Variants in PIK3C2G observed in about 807,000 individuals in gnomAD.
PIK3C2G encodes phosphatidylinositol 3-kinase C2 domain-containing subunit gamma.
A neutral mutation model predicts 181.1 loss-of-function variants in PIK3C2G; 168 were observed. That is an observed-to-expected ratio of 0.93 (90% CI 0.82 to 1.05). The LOEUF (loss-of-function observed/expected upper bound fraction) is 1.05. Among genes scored for constraint, PIK3C2G ranks in the 50% least tolerant of loss-of-function variants. PIK3C2G has a pLI of 0.00. For synonymous variants in PIK3C2G, 573 were observed against 592.2 expected, an observed-to-expected ratio of 0.97 and a Z score of 0.47; for missense variants, 1,869 against 1,732.8, an observed-to-expected ratio of 1.08 and a Z score of -1.40.
intron 5 of PIK3C2G, among the ~76,000 whole-genome samples, chr12:18,304,949 G>A (rs1198323872): frequency 6.6e-6 from 1 of 152,174 alleles, no homozygotes; most frequent in Non-Finnish European, 1.5e-5. Flanking sequence ...AACCATGTGG[G>A]AGGATAGAAA....
intron 13 of PIK3C2G, among the ~76,000 whole-genome samples, chr12:18,380,074 C>T (rs572529853): frequency 1.2e-4 from 19 of 152,248 alleles, no homozygotes; most frequent in Non-Finnish European, 5.9e-5. Flanking sequence ...GGATCTGAAA[C>T]GGGGAGTGAG....
the PIK3C2G span, chr12:18,694,142 A>C: frequency 1.2e-6 from 1 of 806,240 alleles, no homozygotes; most frequent in Non-Finnish European, 2.0e-6. Context: ...GTGATTTCTC[A>C]GTCCCTGAAA....
intron 24 of PIK3C2G, among the ~76,000 whole-genome samples, chr12:18,509,159 C>G (rs1942045948): frequency 2.0e-5 from 3 of 152,088 alleles, no homozygotes; most frequent in Non-Finnish European, 4.4e-5. Context: ...TCAAGCAATT[C>G]CCCTGCCTCA....
rs539519384 is a variant in PIK3C2G, at chr12:18,520,815, C to T, written c.3323+15354C>T. On this transcript the variant is annotated intron_variant, in intron 24 of 32. Coordinates refer to ENST00000538779, the MANE Select transcript of PIK3C2G (RefSeq NM_001288772.2). ...GAGGCACTCTGGCCTTTTGGATTTT[C>T]AGCGTTTGTTTGCTGATTCTTTCTC... Among the ~76,000 whole-genome samples the T allele has an allele frequency of 2.6e-5, 4 of 152,096 alleles. No homozygotes were observed. In the East Asian group the frequency reaches 7.8e-4, roughly 30 times the overall value.
intron 18 of PIK3C2G, among the ~76,000 whole-genome samples, chr12:18,439,509 C>A (rs985119307): frequency 2.0e-5 from 3 of 151,962 alleles, no homozygotes; most frequent in African/African-American, 2.4e-5. Flanking sequence ...AGAAACTCCA[C>A]CTCTGACTTC....
intron 27 of PIK3C2G, 33 bp downstream of exon 27, chr12:18,562,925 A>C: frequency 7.0e-7 from 1 of 1,421,182 alleles, no homozygotes; most frequent in Non-Finnish European, 9.8e-7. Context: ...TGACTTACGT[A>C]TCACTTGACT....
intron 31 of PIK3C2G, among the ~76,000 whole-genome samples, chr12:18,617,200 T>C (rs997521328): frequency 6.6e-6 from 1 of 152,092 alleles, no homozygotes; most frequent in Admixed American, 6.6e-5. Flanking sequence ...TTTGTCCTTA[T>C]AAAAAATTTG....
the PIK3C2G span, among the ~76,000 whole-genome samples, chr12:18,671,569 A>G: frequency 6.6e-6 from 1 of 152,150 alleles, no homozygotes; most frequent in Non-Finnish European, 1.5e-5. Flanking sequence ...ACAAAACTAC[A>G]AATTTGATTT....
intron 7 of PIK3C2G, 28 bp downstream of exon 7, chr12:18,321,060 C>A: frequency 8.5e-7 from 1 of 1,182,116 alleles, no homozygotes; most frequent in Non-Finnish European, 1.2e-6. Context: ...TGTTCCAAGA[C>A]TACTTTCTGA....
At chr12:18,416,404 A>G (rs942629779) in intron 16 of PIK3C2G, among the ~76,000 whole-genome samples, 9 of 152,208 alleles carry the variant, frequency 5.9e-5, no homozygotes, top group Non-Finnish European at 1.0e-4. Flanking sequence ...ACTAAGCAAC[A>G]GATTTTCAAT....
intron 14 of PIK3C2G, among the ~76,000 whole-genome samples, chr12:18,386,321 T>C (rs1256446884): frequency 6.6e-6 from 1 of 152,184 alleles, no homozygotes; most frequent in Non-Finnish European, 1.5e-5. Flanking sequence ...TATCCTCCCA[T>C]TTAAAGTGTG....
chr12:18,650,327 C>A (rs71461098), downstream of PIK3C2G, among the ~76,000 whole-genome samples: 24,927 of 76,806 alleles, frequency 0.32, 3,291 homozygotes, highest in East Asian at 0.4. Flanking sequence ...CTCTCTCTCT[C>A]TCTCTATATA....
chr12:18,362,946 C>G, intron 12 of PIK3C2G, 60 bp downstream of exon 12: 1 of 1,320,754 alleles, frequency 7.6e-7, no homozygotes, highest in Non-Finnish European at 9.9e-7. Flanking sequence ...CTTTTTCCCC[C>G]TTTTTTTAAA....
chr12:18,583,436 G>A (rs370349498), intron 29 of PIK3C2G, among the ~76,000 whole-genome samples: 18 of 151,984 alleles, frequency 1.2e-4, no homozygotes, highest in African/African-American at 1.9e-4. Context: ...AGCATCCCTC[G>A]TTAGGAATAT....
At chr12:18,711,558 T>A in the PIK3C2G span, among the ~76,000 whole-genome samples, 1 of 149,138 alleles carries the variant, frequency 6.7e-6, no homozygotes, top group Non-Finnish European at 1.5e-5. Context: ...ATAATAATAA[T>A]AAAAGTAAAG....
chr12:18,447,608 T>C (rs929037462), intron 18 of PIK3C2G, among the ~76,000 whole-genome samples: 3 of 152,122 alleles, frequency 2.0e-5, no homozygotes, highest in African/African-American at 7.2e-5. Flanking sequence ...CGAGGGAGTA[T>C]TCTGAAAATG....
intron 30 of PIK3C2G, among the ~76,000 whole-genome samples, chr12:18,602,990 T>A (rs952278841): frequency 6.6e-6 from 1 of 152,082 alleles, no homozygotes; most frequent in Non-Finnish European, 1.5e-5. Context: ...AAAATCACAC[T>A]AGTTCACCAG....
At chr12:18,255,720 C>T (rs1290356123) in intron 1 of PIK3C2G, among the ~76,000 whole-genome samples, 3 of 152,144 alleles carry the variant, frequency 2.0e-5, no homozygotes, top group Non-Finnish European at 2.9e-5. Context: ...AAAAGATGGC[C>T]TTTGGCTAGT....
At chr12:18,276,804 G>A (rs1208381787) in intron 1 of PIK3C2G, among the ~76,000 whole-genome samples, 1 of 152,132 alleles carries the variant, frequency 6.6e-6, no homozygotes, top group Non-Finnish European at 1.5e-5. Flanking sequence ...ATGTGCAAAT[G>A]AGTAATAGGT....
Sources: gnomAD v4.1 joint callset for allele counts (sites outside exome capture counted in the v4.1 genomes callset) on GRCh38, gnomAD v4.1.1 for gene constraint, MANE v1.5 for transcripts, NCBI Gene and HGNC (gene_info 2026-07-23, HGNC 2026-07-21) for gene names.